The following KLHL32 variants were observed in gnomAD, a reference collection of about 807,000 sequenced individuals.
KLHL32 encodes kelch like family member 32.
KLHL32 carries 35 observed loss-of-function variants against 64.8 expected under a neutral mutation model. The observed-to-expected ratio is 0.54, with a 90% CI of 0.41 to 0.72. The LOEUF (loss-of-function observed/expected upper bound fraction) is 0.72, where lower values mean the gene tolerates loss of function less well. Ranked by LOEUF, KLHL32 falls within the 30% of genes least tolerant of loss-of-function variation. The pLI is 0.00. For synonymous variants in KLHL32, 259 were observed against 281.0 expected (o/e 0.92, Z 0.78); for missense variants, 589 against 768.5 (o/e 0.77, Z 2.76).
Position 97,085,257 on chromosome 6 carries a change from A to C in KLHL32, c.543A>C (p.Glu181Asp), listed in dbSNP as rs1793223314. The part of the protein sequence containing the change: ...LSELLKSRPE[E>D]VLTLPYCLLQ... ...AACTCCTGAAGAGCCGCCCAGAAGA[A>C]GTTCTAACGCTTCCCTATTGCCTGC... Residue 181 changes from glutamate to aspartate, a missense_variant, in exon 6 of 11, where the codon GAA (glutamate) becomes GAC (aspartate). By Grantham distance (45) the Glu-to-Asp change is conservative (BLOSUM62 2). Transcript: ENST00000369261. 6.2e-7 allele frequency: 1 copy of C among 1,613,818 alleles called. No individual in the cohort carries two copies. The highest frequency in any genetic ancestry group is 1.7e-5 in the Admixed American group (1 of 60,014).
chr6:97,021,964 T>C (rs1782051971), intron 3 of KLHL32, among the ~76,000 whole-genome samples: 1 of 150,894 alleles, frequency 6.6e-6, no homozygotes, highest in Non-Finnish European at 1.5e-5. Context: ...CAGGTCCCCA[T>C]AGCTGGACCT....
intron 4 of KLHL32, among the ~76,000 whole-genome samples, chr6:97,055,789 A>C (rs12213315): frequency 0.61 from 80,831 of 132,234 alleles, 26,503 homozygotes; most frequent in African/African-American, 0.87. Context: ...CAGACTGAGA[A>C]CCTGTCTAAA....
At chr6:97,017,606 C>T (rs1052984371) in intron 3 of KLHL32, among the ~76,000 whole-genome samples, 28 of 152,164 alleles carry the variant, frequency 1.8e-4, no homozygotes, top group African/African-American at 6.8e-4. Context: ...ATAGACAAGC[C>T]AGACTATTCT....
intron 6 of KLHL32, among the ~76,000 whole-genome samples, chr6:97,089,113 A>G (rs891539248): frequency 1.3e-5 from 2 of 152,228 alleles, no homozygotes; most frequent in Non-Finnish European, 2.9e-5. Context: ...AAGGCAGAGG[A>G]CAGATCTGCC....
At chr6:97,127,486 C>T (rs1479270801) in intron 8 of KLHL32, 24 bp downstream of exon 8, 3 of 1,570,026 alleles carry the variant, frequency 1.9e-6, no homozygotes, top group Non-Finnish European at 2.6e-6. Flanking sequence ...AAGAACACCT[C>T]ATTATCTTAA....
the KLHL32 span, among the ~76,000 whole-genome samples, chr6:96,912,273 G>A: frequency 6.6e-6 from 1 of 152,074 alleles, no homozygotes; most frequent in African/African-American, 2.4e-5. Flanking sequence ...TCCCTCTGCT[G>A]CCATACGGAG....
At chr6:97,118,745 C>T (rs1048031279) in intron 7 of KLHL32, among the ~76,000 whole-genome samples, 1 of 152,010 alleles carries the variant, frequency 6.6e-6, no homozygotes, top group African/African-American at 2.4e-5. Flanking sequence ...TGCTGCATTT[C>T]TTATCCATGA....
At chr6:96,907,244 C>T in the KLHL32 span, among the ~76,000 whole-genome samples, 3 of 152,142 alleles carry the variant, frequency 2.0e-5, no homozygotes, top group Non-Finnish European at 4.4e-5. Context: ...TACTCTTCAT[C>T]CAGTATCCAT....
At chr6:97,051,423 T>C (rs1786885571) in intron 4 of KLHL32, among the ~76,000 whole-genome samples, 1 of 152,228 alleles carries the variant, frequency 6.6e-6, no homozygotes, top group South Asian at 2.1e-4. Context: ...TCTGACATTC[T>C]CCAAAGTAGA....
chr6:97,044,809 ATAG>A (rs747068604), intron 4 of KLHL32, among the ~76,000 whole-genome samples: 2 of 151,924 alleles, frequency 1.3e-5, no homozygotes, highest in Non-Finnish European at 2.9e-5. Flanking sequence ...ATAATTATTC[ATAG>A]TAGTCTCTTA....
At chr6:96,954,146 A>G (rs1391361945) in intron 1 of KLHL32, among the ~76,000 whole-genome samples, 1 of 152,058 alleles carries the variant, frequency 6.6e-6, no homozygotes, top group African/African-American at 2.4e-5. Context: ...TTTAGGTGGA[A>G]AACATCCTCT....
intron 1 of KLHL32, among the ~76,000 whole-genome samples, chr6:96,940,784 G>A (rs970010018): frequency 2.0e-5 from 3 of 152,180 alleles, no homozygotes; most frequent in Non-Finnish European, 4.4e-5. Flanking sequence ...TTTAGCAGAC[G>A]TTATTGGATG....
chr6:97,042,157 T>A (rs1173411849), intron 4 of KLHL32, among the ~76,000 whole-genome samples: 1 of 152,208 alleles, frequency 6.6e-6, no homozygotes, highest in Non-Finnish European at 1.5e-5. Context: ...CTCAAATAAA[T>A]CAATTCAAAT....
chr6:97,099,009 GT>G (rs1795349573), intron 6 of KLHL32, among the ~76,000 whole-genome samples: 1 of 152,224 alleles, frequency 6.6e-6, no homozygotes, highest in South Asian at 2.1e-4. Flanking sequence ...GGTTCGCTAT[GT>G]TTTTAAAGTA....
chr6:96,971,033 T>G (rs1056565297), intron 2 of KLHL32, among the ~76,000 whole-genome samples: 3 of 152,182 alleles, frequency 2.0e-5, no homozygotes, highest in African/African-American at 7.2e-5. Flanking sequence ...TGTTAGATTT[T>G]TTTTTGTCCA....
intron 4 of KLHL32, among the ~76,000 whole-genome samples, chr6:97,055,603 T>C (rs2128140759): frequency 6.6e-6 from 1 of 152,030 alleles, no homozygotes; most frequent in African/African-American, 2.4e-5. Flanking sequence ...TTCAAGACCA[T>C]CCTGGCCAAC....
upstream of KLHL32, among the ~76,000 whole-genome samples, chr6:96,921,856 T>C (rs1166272331): frequency 1.3e-5 from 2 of 152,166 alleles, no homozygotes; most frequent in Non-Finnish European, 2.9e-5. Context: ...TCTTGGCTCA[T>C]GGACAAGCTG....
intron 6 of KLHL32, among the ~76,000 whole-genome samples, chr6:97,106,697 T>C (rs1796454887): frequency 6.6e-6 from 1 of 151,734 alleles, no homozygotes; most frequent in South Asian, 2.1e-4. Context: ...TGAGCTGAGA[T>C]TGCGCCACTG....
At chr6:97,110,393 C>T (rs1196216121) in intron 6 of KLHL32, among the ~76,000 whole-genome samples, 2 of 152,132 alleles carry the variant, frequency 1.3e-5, no homozygotes, top group African/African-American at 2.4e-5. Context: ...CAATTCATGA[C>T]GTAGCAGAAG....
Sources: gnomAD v4.1 joint callset for allele counts (sites outside exome capture counted in the v4.1 genomes callset) on GRCh38, gnomAD v4.1.1 for gene constraint, MANE v1.5 for transcripts, NCBI Gene and HGNC (gene_info 2026-07-23, HGNC 2026-07-21) for gene names.